MEI4: variants seen among roughly 807,000 people sequenced by gnomAD.
MEI4 encodes the protein meiosis-specific protein MEI4.
Under a neutral mutation model 31.4 loss-of-function variants are expected in MEI4, and 27 were observed. The observed-to-expected ratio is 0.86, with a 90% CI of 0.63 to 1.19. MEI4 has a LOEUF of 1.19. Among genes scored for constraint, MEI4 ranks in the 50% most tolerant of loss-of-function variants. The pLI is 0.00. For missense variants in MEI4, 329 were observed against 398.9 expected (o/e 0.82, Z 1.49); for synonymous variants, 122 against 145.4 (o/e 0.84, Z 1.16).
intron 4 of MEI4, among the ~76,000 whole-genome samples, chr6:77,879,034 C>T (rs1381594992): frequency 6.6e-6 from 1 of 152,046 alleles, no homozygotes; most frequent in Admixed American, 6.6e-5. Flanking sequence ...GAAATAGAAT[C>T]ATTAAGGAGA....
chr6:77,784,146 A>G (rs981427422), intron 3 of MEI4, among the ~76,000 whole-genome samples: 4 of 152,146 alleles, frequency 2.6e-5, no homozygotes, highest in African/African-American at 7.2e-5. Context: ...GAAGTTTCTA[A>G]GTTTCACAGG....
chr6:77,751,173 C>A (rs1157813940), intron 2 of MEI4, among the ~76,000 whole-genome samples: 2 of 151,994 alleles, frequency 1.3e-5, no homozygotes, highest in African/African-American at 2.4e-5. Flanking sequence ...CAGGAAAGAT[C>A]TAAAATCGAC....
chr6:77,835,890 AAG>A (rs1163143697), intron 4 of MEI4, among the ~76,000 whole-genome samples: 1 of 152,084 alleles, frequency 6.6e-6, no homozygotes, highest in Non-Finnish European at 1.5e-5. Flanking sequence ...GTTGATCTAA[AAG>A]GAAGGATGAA....
chr6:77,730,770 C>T (rs1190653438), intron 2 of MEI4, among the ~76,000 whole-genome samples: 1 of 148,080 alleles, frequency 6.8e-6, no homozygotes, highest in Non-Finnish European at 1.5e-5. Flanking sequence ...AGTGCTATCC[C>T]TCGCCCCTCC....
At chr6:77,811,850 T>A (rs1205676620) in intron 3 of MEI4, among the ~76,000 whole-genome samples, 1 of 152,202 alleles carries the variant, frequency 6.6e-6, no homozygotes, top group African/African-American at 2.4e-5. Context: ...GTAATGTTTT[T>A]AAAATAGTGT....
intron 2 of MEI4, among the ~76,000 whole-genome samples, chr6:77,698,022 G>C (rs1766099671): frequency 2.0e-5 from 3 of 152,122 alleles, no homozygotes; most frequent in Non-Finnish European, 4.4e-5. Flanking sequence ...ATTAGATAAT[G>C]GTCTTCTTTG....
At chr6:77,813,913 A>G (rs550408030) in intron 3 of MEI4, among the ~76,000 whole-genome samples, 1 of 152,158 alleles carries the variant, frequency 6.6e-6, no homozygotes, top group South Asian at 2.1e-4. Flanking sequence ...ATCAATGATG[A>G]TTTTCAATAA....
intron 4 of MEI4, among the ~76,000 whole-genome samples, chr6:77,835,373 AACACAC>A (rs149668655): frequency 0.25 from 24,426 of 96,602 alleles, 2,621 homozygotes; most frequent in African/African-American, 0.36. Flanking sequence ...AACAAAACAA[AACACAC>A]ACACACACAC....
chr6:77,894,828 G>T (rs1766045965), intron 4 of MEI4, among the ~76,000 whole-genome samples: 1 of 152,140 alleles, frequency 6.6e-6, no homozygotes, highest in Non-Finnish European at 1.5e-5. Flanking sequence ...CTTTTGCCTG[G>T]CTGGGCAGTC....
intron 3 of MEI4, among the ~76,000 whole-genome samples, chr6:77,800,558 C>G (rs1382942399): frequency 6.6e-6 from 1 of 152,234 alleles, no homozygotes; most frequent in African/African-American, 2.4e-5. Flanking sequence ...GAGGGCATCC[C>G]TGTCTTGTGC....
intron 1 of MEI4, among the ~76,000 whole-genome samples, chr6:77,657,691 C>A (rs927354850): frequency 6.6e-6 from 1 of 152,102 alleles, no homozygotes; most frequent in East Asian, 1.9e-4. Flanking sequence ...ACTTTCAAGA[C>A]CCCAACTTCC....
At chr6:77,716,878 G>A in intron 2 of MEI4, 1 of 983,476 alleles carries the variant, frequency 1.0e-6, no homozygotes, top group South Asian at 4.7e-5. Context: ...AGAAAATGAT[G>A]ACTGTCCATT....
chr6:77,803,199 C>G (rs1374439639), intron 3 of MEI4, among the ~76,000 whole-genome samples: 1 of 152,186 alleles, frequency 6.6e-6, no homozygotes, highest in Non-Finnish European at 1.5e-5. Flanking sequence ...CTAAACTTCT[C>G]TTCTCACTTC....
chr6:77,686,205 C>A (rs1769051002), intron 1 of MEI4, among the ~76,000 whole-genome samples: 1 of 152,118 alleles, frequency 6.6e-6, no homozygotes, highest in Non-Finnish European at 1.5e-5. Context: ...GCCAAATAAA[C>A]CTATATTCTT....
intron 4 of MEI4, among the ~76,000 whole-genome samples, chr6:77,881,251 T>C (rs1288706373): frequency 2.6e-5 from 4 of 152,326 alleles, no homozygotes; most frequent in South Asian, 2.1e-4. Context: ...ACTTCCTATT[T>C]AAATTATGGG....
At chr6:77,743,452 G>A (rs1446029130) in intron 2 of MEI4, among the ~76,000 whole-genome samples, 1 of 152,152 alleles carries the variant, frequency 6.6e-6, no homozygotes, top group East Asian at 1.9e-4. Context: ...GAATGCTTGT[G>A]ATTTTTGTAC....
chr6:77,657,634 ATT>A (rs1267452486), intron 1 of MEI4, among the ~76,000 whole-genome samples: 6 of 151,766 alleles, frequency 4.0e-5, no homozygotes. Context: ...TGAAGGCTGC[ATT>A]GTTTTCCAGC....
At chr6:77,853,107 A>C (rs374882080) in intron 4 of MEI4, among the ~76,000 whole-genome samples, 46 of 152,292 alleles carry the variant, frequency 3.0e-4, no homozygotes, top group African/African-American at 1.1e-3. Flanking sequence ...CTGAGGCAGG[A>C]GAATCGCTTC....
intron 4 of MEI4, among the ~76,000 whole-genome samples, chr6:77,831,622 G>A (rs1426650138): frequency 1.3e-5 from 2 of 151,732 alleles, no homozygotes; most frequent in Non-Finnish European, 2.9e-5. Context: ...GGATGGAACT[G>A]TAGGTGATTA....
Sources: gnomAD v4.1 joint callset for allele counts (sites outside exome capture counted in the v4.1 genomes callset) on GRCh38, gnomAD v4.1.1 for gene constraint, MANE v1.5 for transcripts, NCBI Gene and HGNC (gene_info 2026-07-23, HGNC 2026-07-21) for gene names.